Variants in AGBL1 observed in about 807,000 individuals in gnomAD.
The protein encoded by AGBL1 is AGBL carboxypeptidase 1.
A neutral mutation model predicts 118.9 loss-of-function variants in AGBL1; 130 were observed. That is an observed-to-expected ratio of 1.09 (90% confidence interval 0.95 to 1.26). The LOEUF is 1.26. AGBL1 is among the 50% of genes most tolerant of loss of function. The probability of loss-of-function intolerance (pLI) is 0.00; values close to 1 mark genes in which losing one functional copy is unlikely to be tolerated. For missense variants in AGBL1, 1,584 were observed against 1,298.1 expected (o/e 1.22, Z -3.38); for synonymous variants, 555 against 478.9 (o/e 1.16, Z -2.08).
At position 86,942,679 on chromosome 15, in the gene AGBL1, C is replaced by T. The variant is rs16978109; in HGVS notation, c.3222-45308C>T. ...CCTAGAATCACTTTATCTTACTGAG[C>T]GTTTGTGATTCAAAGCCTTTTGTAA... On this transcript the variant is annotated intron_variant, in intron 23 of 24. Transcript: ENST00000441037. 1.4e-3 allele frequency among the ~76,000 whole-genome samples: 207 copies of T among 152,230 alleles called. 1 individual carries two copies. The highest frequency in any genetic ancestry group is 4.7e-3 in the African/African-American group (197 of 41,526).
intron 22 of AGBL1, among the ~76,000 whole-genome samples, chr15:86,883,170 C>T (rs1596588341): frequency 6.6e-6 from 1 of 152,256 alleles, no homozygotes; most frequent in South Asian, 2.1e-4. Context: ...AATTAAACAG[C>T]TAATTTTGAA....
chr15:86,532,621 A>G (rs2083366375), intron 19 of AGBL1, among the ~76,000 whole-genome samples: 1 of 148,370 alleles, frequency 6.7e-6, no homozygotes, highest in Non-Finnish European at 1.5e-5. Context: ...TTTAAAGTTC[A>G]TATGGAACCA....
At chr15:86,171,051 C>A (rs1301856118) in intron 5 of AGBL1, among the ~76,000 whole-genome samples, 1 of 152,074 alleles carries the variant, frequency 6.6e-6, no homozygotes, top group Non-Finnish European at 1.5e-5. Flanking sequence ...GTGAAAATAG[C>A]TTTTAAAACT....
At chr15:86,904,457 C>T (rs1277771545) in intron 22 of AGBL1, among the ~76,000 whole-genome samples, 2 of 150,468 alleles carry the variant, frequency 1.3e-5, no homozygotes, top group Non-Finnish European at 3.0e-5. Context: ...ATCTTAATTC[C>T]TTATTAGAAT....
rs374735426 is a variant in AGBL1 at position 87,001,235 on chromosome 15, C to G, written c.3323+13147C>G. On this transcript the variant is annotated intron_variant, in intron 24 of 24. Coordinates refer to the AGBL1 transcript ENST00000441037. The stretch of plus-strand genomic sequence containing the variant: ...TACCCTTTATTTCCTTCTCCTGCCT[C>G]ATTGCCCTGGCCAGAACTTCCAACA... 4.1e-4 allele frequency among the ~76,000 whole-genome samples: 62 copies of G among 150,908 alleles called. 2 individuals are homozygous for G. Among genetic ancestry groups the G allele is most frequent in the Admixed American group, 1.0e-3 (15 of 15,068 alleles).
intron 21 of AGBL1, among the ~76,000 whole-genome samples, chr15:86,568,344 G>A (rs1370618448): frequency 6.6e-6 from 1 of 152,142 alleles, no homozygotes; most frequent in Admixed American, 6.5e-5. Flanking sequence ...TTAAAAGGAT[G>A]AGCAATGCCC....
chr15:86,199,158 A>G (rs1339091611), intron 5 of AGBL1, among the ~76,000 whole-genome samples: 3 of 152,152 alleles, frequency 2.0e-5, no homozygotes, highest in African/African-American at 4.8e-5. Context: ...CAAGTTGTGT[A>G]TTACCATTTA....
chr15:86,180,212 A>G (rs1259024416), intron 5 of AGBL1, among the ~76,000 whole-genome samples: 2 of 152,118 alleles, frequency 1.3e-5, no homozygotes, highest in Non-Finnish European at 2.9e-5. Flanking sequence ...TAAAATTCAT[A>G]TGGAAAGACC....
chr15:86,455,120 A>G (rs2082243733), intron 18 of AGBL1, among the ~76,000 whole-genome samples: 1 of 152,168 alleles, frequency 6.6e-6, no homozygotes, highest in African/African-American at 2.4e-5. Flanking sequence ...CCCTGGGAGA[A>G]TAGCAGCTGA....
intron 23 of AGBL1, among the ~76,000 whole-genome samples, chr15:86,921,831 G>A (rs746845382): frequency 5.9e-5 from 9 of 152,026 alleles, no homozygotes; most frequent in African/African-American, 1.2e-4. Flanking sequence ...AAGAGCACAC[G>A]TTTCCCCAGA....
chr15:86,847,080 G>A (rs1248646467), intron 22 of AGBL1, among the ~76,000 whole-genome samples: 1 of 151,574 alleles, frequency 6.6e-6, no homozygotes, highest in African/African-American at 2.4e-5. Flanking sequence ...TTTTATTTTA[G>A]TTATTATGTT....
At chr15:86,682,162 A>G (rs1392784613) in intron 22 of AGBL1, among the ~76,000 whole-genome samples, 1 of 152,174 alleles carries the variant, frequency 6.6e-6, no homozygotes, top group Non-Finnish European at 1.5e-5. Flanking sequence ...CAGGCAAATA[A>G]ATGCTACATG....
rs145249470 is a variant in AGBL1 at position 86,356,057 on chromosome 15, A to G, written c.2375-41309A>G. Among the ~76,000 whole-genome samples the G allele has an allele frequency of 1.2e-4, 19 of 152,318 alleles. No individual in the cohort carries two copies. In the East Asian group the frequency reaches 1.5e-3, roughly 12 times the overall value. On this transcript the variant is annotated intron_variant, in intron 17 of 22. Coordinates refer to ENST00000614907, the MANE Select transcript of AGBL1 (RefSeq NM_001386094.1). ...CACTCCTTATGTAGTCAACAGAGCT[A>G]TCTTCTGCGTTTTAAATCTGAGTGT...
chr15:86,940,366 A>G (rs1863008336), intron 23 of AGBL1, among the ~76,000 whole-genome samples: 1 of 152,104 alleles, frequency 6.6e-6, no homozygotes, highest in South Asian at 2.1e-4. Context: ...TTATCAAACT[A>G]TTTAGAAGAT....
At chr15:86,604,552 C>T (rs2142376919) in intron 21 of AGBL1, among the ~76,000 whole-genome samples, 1 of 152,284 alleles carries the variant, frequency 6.6e-6, no homozygotes, top group Non-Finnish European at 1.5e-5. Context: ...GATCACCACA[C>T]ATTTATCTGC....
intron 21 of AGBL1, among the ~76,000 whole-genome samples, chr15:86,565,672 A>C (rs940446193): frequency 6.6e-6 from 1 of 152,224 alleles, no homozygotes; most frequent in African/African-American, 2.4e-5. Flanking sequence ...AGACAGGGAC[A>C]TTTAATTCTG....
intron 22 of AGBL1, among the ~76,000 whole-genome samples, chr15:86,873,944 G>A (rs2079766782): frequency 1.3e-5 from 2 of 152,144 alleles, no homozygotes; most frequent in South Asian, 2.1e-4. Context: ...TGGACTTGGA[G>A]GCAAGACCTA....
chr15:86,858,310 G>A (rs2079512993), intron 22 of AGBL1, among the ~76,000 whole-genome samples: 1 of 152,210 alleles, frequency 6.6e-6, no homozygotes, highest in African/African-American at 2.4e-5. Context: ...AAAACTCAGT[G>A]TCATGGGGCC....
intron 19 of AGBL1, among the ~76,000 whole-genome samples, chr15:86,545,086 C>A (rs1053521780): frequency 3.3e-5 from 5 of 152,166 alleles, no homozygotes; most frequent in African/African-American, 1.2e-4. Context: ...GTTTGCCACG[C>A]TTCAGTAGAA....
Sources: allele counts gnomAD v4.1 joint callset (sites outside exome capture counted in the v4.1 genomes callset), GRCh38; gene constraint gnomAD v4.1.1; transcripts MANE v1.5; gene names NCBI Gene and HGNC (gene_info 2026-07-23, HGNC 2026-07-21).